TCF4: variants seen among roughly 807,000 people sequenced by gnomAD.
TCF4 encodes the protein SL3-3 enhancer factor 2.
Under a neutral mutation model 82.1 loss-of-function variants are expected in TCF4, and 3 were observed. The ratio of observed to expected loss-of-function variants is 0.04; its 90% CI spans 0.02 to 0.09. The LOEUF (loss-of-function observed/expected upper bound fraction) is 0.09, where lower values mean the gene tolerates loss of function less well. Ranked by LOEUF, TCF4 falls within the 10% of genes least tolerant of loss-of-function variation. The probability of loss-of-function intolerance (pLI) is 1.00; values close to 1 mark genes in which losing one functional copy is unlikely to be tolerated. For synonymous variants in TCF4, 276 were observed against 309.6 expected (o/e 0.89, Z 1.14); for missense variants, 518 against 852.7 (o/e 0.61, Z 4.89).
chr18:55,365,233 GTA>G (rs1175499971), intron 6 of TCF4, among the ~76,000 whole-genome samples: 3 of 130,800 alleles, frequency 2.3e-5, no homozygotes, highest in Admixed American at 7.6e-5. Flanking sequence ...GTGTGTGTGT[GTA>G]TATATATGTG....
intron 6 of TCF4, among the ~76,000 whole-genome samples, chr18:55,370,470 T>C (rs189664394): frequency 1.8e-4 from 27 of 150,460 alleles, no homozygotes; most frequent in African/African-American, 6.4e-4. Context: ...GATAGATAGA[T>C]AGATAGACAG....
intron 5 of TCF4, among the ~76,000 whole-genome samples, chr18:55,451,532 G>A (rs984390646): frequency 6.6e-6 from 1 of 152,168 alleles, no homozygotes; most frequent in Non-Finnish European, 1.5e-5. Flanking sequence ...GCTCAAAACA[G>A]CTCCTTTGCT....
intron 8 of TCF4, 127 bp from the exon 9 acceptor site, chr18:55,279,783 C>T (rs1175197227): frequency 4.2e-6 from 6 of 1,443,972 alleles, no homozygotes; most frequent in Non-Finnish European, 5.6e-6. Context: ...TCTGAACAAA[C>T]CCTAGAAACA....
Position 55,226,553 on chromosome 18 carries a change from C to T in TCF4, c.*1482G>A, listed in dbSNP as rs559071739. Reference sequence around the variant, plus strand: ...ATTCATACTGGCCAGAGAAATACTGCACTACCCCTCCTCAAAAAAGTGCAA... The same window carrying T: ...ATTCATACTGGCCAGAGAAATACTGTACTACCCCTCCTCAAAAAAGTGCAA... On this transcript the variant is annotated 3_prime_UTR_variant, in exon 20 of 20. Coordinates refer to ENST00000354452, the MANE Select transcript of TCF4 (RefSeq NM_001083962.2). The T allele has an allele frequency of 1.4e-4, 22 of 152,692 alleles. No individual in the cohort carries two copies. The highest frequency in any genetic ancestry group is 5.3e-4 in the African/African-American group (22 of 41,552). 9.5% of individuals were successfully genotyped at this position (152,692 alleles called of 1,614,324 possible).
intron 8 of TCF4, chr18:55,302,288 T>A (rs376247091): frequency 1.7e-5 from 14 of 807,694 alleles, no homozygotes; most frequent in Middle Eastern, 3.3e-4. Flanking sequence ...TTCTGGTGAA[T>A]GCCAGGGAAG....
At chr18:55,297,300 A>C (rs1184006849) in intron 8 of TCF4, among the ~76,000 whole-genome samples, 1 of 147,694 alleles carries the variant, frequency 6.8e-6, no homozygotes, top group Admixed American at 6.7e-5. Context: ...AACAGAGCGC[A>C]TAGAGTCTGA....
intron 8 of TCF4, among the ~76,000 whole-genome samples, chr18:55,341,140 G>C (rs2144395577): frequency 6.6e-6 from 1 of 152,290 alleles, no homozygotes. Context: ...TTGCTGTAGA[G>C]AGCTTTTTGG....
At chr18:55,596,094 G>A (rs769570327) in intron 2 of TCF4, 1 of 439,740 alleles carries the variant, frequency 2.3e-6, no homozygotes, top group South Asian at 1.6e-5. Context: ...TTAGCCTCGA[G>A]TGATGACTCA....
chr18:55,309,386 T>C (rs1006468470), intron 8 of TCF4, among the ~76,000 whole-genome samples: 1 of 151,860 alleles, frequency 6.6e-6, no homozygotes, highest in Admixed American at 6.6e-5. Context: ...CTTCCCAAAG[T>C]GCTGGGATTA....
intron 5 of TCF4, chr18:55,404,270 C>G (rs544685608): frequency 6.3e-6 from 1 of 159,310 alleles, no homozygotes; most frequent in Non-Finnish European, 1.4e-5. Context: ...AGAATAAAAT[C>G]AAGGGTGTTC....
At chr18:55,406,854 C>T (rs1394608206) in intron 5 of TCF4, among the ~76,000 whole-genome samples, 2 of 152,184 alleles carry the variant, frequency 1.3e-5, no homozygotes, top group Non-Finnish European at 2.9e-5. Flanking sequence ...GCGGAATTTT[C>T]GAGACAACCC....
chr18:55,273,789 C>G (rs561678336), intron 10 of TCF4, among the ~76,000 whole-genome samples: 1 of 152,222 alleles, frequency 6.6e-6, no homozygotes, highest in African/African-American at 2.4e-5. Flanking sequence ...TATTTTCTCT[C>G]TAGTTCATAA....
chr18:55,476,525 T>C (rs933050664), intron 3 of TCF4, among the ~76,000 whole-genome samples: 1 of 151,998 alleles, frequency 6.6e-6, no homozygotes, highest in African/African-American at 2.4e-5. Flanking sequence ...AGGGTATATG[T>C]AGTGCAGTGG....
intron 6 of TCF4, among the ~76,000 whole-genome samples, chr18:55,364,839 A>G (rs2086425014): frequency 6.6e-6 from 1 of 152,148 alleles, no homozygotes. Context: ...GGAGACTGTC[A>G]TTATTTATAA....
intron 8 of TCF4, among the ~76,000 whole-genome samples, chr18:55,342,667 G>A (rs998016373): frequency 4.6e-5 from 7 of 151,916 alleles, no homozygotes; most frequent in African/African-American, 1.5e-4. Flanking sequence ...ATCCTTTAAC[G>A]TCTTGAGTTA....
chr18:55,291,948 A>C (rs969272921), intron 8 of TCF4, among the ~76,000 whole-genome samples: 9 of 152,300 alleles, frequency 5.9e-5, no homozygotes, highest in African/African-American at 2.2e-4. Flanking sequence ...AGCTAAAGAA[A>C]TGTAAAGGAA....
At chr18:55,494,516 T>C (rs911433030) in intron 3 of TCF4, among the ~76,000 whole-genome samples, 4 of 152,214 alleles carry the variant, frequency 2.6e-5, no homozygotes, top group African/African-American at 7.2e-5. Flanking sequence ...GTTGCCTCAC[T>C]CTACTTAGCA....
chr18:55,238,275 G>C (rs1230088654), intron 15 of TCF4, among the ~76,000 whole-genome samples: 3 of 152,226 alleles, frequency 2.0e-5, no homozygotes, highest in Non-Finnish European at 2.9e-5. Context: ...TTGTAAATGT[G>C]AATCTTCCCA....
At chr18:55,538,239 A>G (rs188702394) in intron 3 of TCF4, among the ~76,000 whole-genome samples, 6 of 152,262 alleles carry the variant, frequency 3.9e-5, no homozygotes, top group Non-Finnish European at 7.4e-5. Flanking sequence ...AGGGGTTTTT[A>G]GTCCAGCCAC....
Sources: allele counts gnomAD v4.1 joint callset (sites outside exome capture counted in the v4.1 genomes callset), GRCh38; gene constraint gnomAD v4.1.1; transcripts MANE v1.5; gene names NCBI Gene and HGNC (gene_info 2026-07-23, HGNC 2026-07-21).